The following TMEM107 variants were observed in gnomAD, a reference collection of about 807,000 sequenced individuals.
TMEM107 encodes transmembrane protein 107.
Under a neutral mutation model 16.8 loss-of-function variants are expected in TMEM107, and 18 were observed. The observed-to-expected ratio is 1.07, with a 90% CI of 0.74 to 1.59. The LOEUF (loss-of-function observed/expected upper bound fraction) is 1.59, where lower values mean the gene tolerates loss of function less well. TMEM107 is among the 40% of genes most tolerant of loss of function. The pLI, the probability that TMEM107 is intolerant of heterozygous loss-of-function variation, is 0.00. For missense variants in TMEM107, 152 were observed against 175.4 expected, an observed-to-expected ratio of 0.87 and a Z score of 0.75; for synonymous variants, 68 against 71.6, an observed-to-expected ratio of 0.95 and a Z score of 0.25.
Position 8,174,141 on chromosome 17 carries a change from A to G in TMEM107, c.*62T>C. 1 of 1,471,804 alleles carries G rather than the reference A, an allele frequency of 6.8e-7. No homozygotes were observed. Among genetic ancestry groups the G allele is most frequent in the Non-Finnish European group, 9.5e-7 (1 of 1,051,288 alleles). The allele number at this position is 1,471,804 out of a possible 1,614,324, so 91.2% of individuals were successfully genotyped here. A position where few individuals can be genotyped will look rare whatever the true frequency, so the allele number is the denominator to read the frequency against. On this transcript the variant is annotated 3_prime_UTR_variant, in exon 5 of 5. Transcript: ENST00000437139. ...CCGAAGCCTATGCCTTCCTTCTTCC[A>G]GGAATACGAAGCGGCCCTTGCCCCT...
chr17:8,173,358 G>C lies in TMEM107; in HGVS notation c.*845C>G, dbSNP rs78425352. ...ACAGCAATAGCAAGACTGCAAAATA[G>C]ACAAACAGCAAGGTTATCCCAGTCA... On this transcript the variant is annotated 3_prime_UTR_variant, in exon 5 of 5. Coordinates refer to ENST00000437139, the MANE Select transcript of TMEM107 (RefSeq NM_183065.4). The C allele has an allele frequency of 1.5e-4, 94 of 614,282 alleles. 1 individual carries two copies. The highest frequency in any genetic ancestry group is 7.6e-4 in the East Asian group (28 of 36,656). 38.1% of individuals were successfully genotyped at this position (614,282 alleles called of 1,614,324 possible).
At position 8,173,554 on chromosome 17, in the gene TMEM107, A is replaced by G. The variant is rs142684790; in HGVS notation, c.*649T>C. 18 of 765,242 alleles carry G rather than the reference A, an allele frequency of 2.4e-5. No homozygotes were observed. The highest frequency in any genetic ancestry group is 1.3e-4 in the South Asian group (10 of 74,616). The allele number at this position is 765,242 out of a possible 1,614,324, so 47.4% of individuals were successfully genotyped here. ...CATCATGTTCTAATCTGCCCTCCGG[A>G]GGAGGAACAGGTAAGGATTATCCCA... On this transcript the variant is annotated 3_prime_UTR_variant, in exon 5 of 5. Coordinates refer to ENST00000437139, the MANE Select transcript of TMEM107 (RefSeq NM_183065.4).
rs536485600 is a variant in TMEM107, at chr17:8,175,232, A to G, written c.256+525T>C. On this transcript the variant is annotated intron_variant, in intron 3 of 4. Coordinates refer to ENST00000437139, the MANE Select transcript of TMEM107 (RefSeq NM_183065.4). ...AGGAGTGCGCCGCCACGCCCGACTA[A>G]TTTTTGTATTTTTAGTAGAGACGGG... is the stretch of plus-strand genomic sequence containing the variant. The G allele has an allele frequency of 1.5e-5, 3 of 205,022 alleles. No homozygotes were observed. The South Asian group carries it at 2.1e-4, about 14-fold the overall frequency. 12.7% of individuals were successfully genotyped at this position (205,022 alleles called of 1,614,324 possible). A position where few individuals can be genotyped will look rare whatever the true frequency, so the allele number is the denominator to read the frequency against.
Position 8,173,672 on chromosome 17 carries a change from A to G in TMEM107, c.*531T>C, listed in dbSNP as rs1182302324. On this transcript the variant is annotated 3_prime_UTR_variant, in exon 5 of 5. Transcript: ENST00000437139. Reference sequence around the variant, plus strand: ...GAGTTCATAACGCGCTGGTATGAGCAATCCTATTATTTAGCGTCCTTCCAG... The same window carrying G: ...GAGTTCATAACGCGCTGGTATGAGCGATCCTATTATTTAGCGTCCTTCCAG... 2 of 664,116 alleles carry G rather than the reference A, an allele frequency of 3.0e-6. No individual in the cohort carries two copies. The highest frequency in any genetic ancestry group is 5.2e-5 in the East Asian group (2 of 38,708). 41.1% of individuals were successfully genotyped at this position (664,116 alleles called of 1,614,324 possible).
chr17:8,173,659 C>G lies in TMEM107; in HGVS notation c.*544G>C, dbSNP rs1473266727. The G allele has an allele frequency of 1.4e-6, 1 of 715,706 alleles. No individual in the cohort carries two copies. Among genetic ancestry groups the G allele is most frequent in the Non-Finnish European group, 2.6e-6 (1 of 387,648 alleles). The allele number at this position is 715,706 out of a possible 1,614,324, so 44.3% of individuals were successfully genotyped here. A position where few individuals can be genotyped will look rare whatever the true frequency, so the allele number is the denominator to read the frequency against. ...TACAAGCTAGGGTGAGTTCATAACG[C>G]GCTGGTATGAGCAATCCTATTATTT... On this transcript the variant is annotated 3_prime_UTR_variant, in exon 5 of 5. Coordinates refer to ENST00000437139, the MANE Select transcript of TMEM107 (RefSeq NM_183065.4).
chr17:8,173,565 G>GT lies in TMEM107; in HGVS notation c.*637dup, dbSNP rs1555525651. On this transcript the variant is annotated 3_prime_UTR_variant, in exon 5 of 5. Coordinates refer to ENST00000437139, the MANE Select transcript of TMEM107 (RefSeq NM_183065.4). ...AATCTGCCCTCCGGAGGAGGAACAG[G>GT]TAAGGATTATCCCACCTGACGATAC... is the stretch of plus-strand genomic sequence containing the variant. The GT allele has an allele frequency of 5.2e-6, 4 of 765,266 alleles. No individual in the cohort carries two copies. Among genetic ancestry groups the GT allele is most frequent in the Non-Finnish European group, 9.6e-6 (4 of 417,954 alleles). The allele number at this position is 765,266 out of a possible 1,614,324, so 47.4% of individuals were successfully genotyped here.
intron 1 of TMEM107, 65 bp from the exon 2 acceptor site, chr17:8,176,091 C>T (rs1984112989): frequency 6.2e-7 from 1 of 1,610,300 alleles, no homozygotes; most frequent in East Asian, 2.2e-5. Context: ...CTGGGGGCGG[C>T]GGGAAACAAG....
chr17:8,174,465 T>G, intron 4 of TMEM107, 55 bp downstream of exon 4: 5 of 1,559,260 alleles, frequency 3.2e-6, no homozygotes, highest in Non-Finnish European at 4.4e-6. Context: ...GGAAAAACCT[T>G]CAGGTTTAGG....
Position 8,175,653 on chromosome 17 carries a change from G to A in TMEM107, c.256+104C>T, listed in dbSNP as rs774441736. The A allele has an allele frequency of 4.1e-6, 4 of 979,074 alleles. No individual in the cohort carries two copies. In the Admixed American group the frequency reaches 6.8e-5, roughly 17 times the overall value. 60.6% of individuals were successfully genotyped at this position (979,074 alleles called of 1,614,324 possible). A position where few individuals can be genotyped will look rare whatever the true frequency, so the allele number is the denominator to read the frequency against. The stretch of plus-strand genomic sequence containing the variant: ...ATTTAGCACATCGTTGAAGATCTTT[G>A]AACTGGAAGGATTGGCTACAGCAGA... On this transcript the variant is annotated intron_variant, in intron 3 of 4. Coordinates refer to ENST00000437139, the MANE Select transcript of TMEM107 (RefSeq NM_183065.4).
Position 8,173,593 on chromosome 17 carries a change from A to G in TMEM107, c.*610T>C, listed in dbSNP as rs11655582. The G allele has an allele frequency of 0.82, 626,192 of 761,960 alleles. 263,205 individuals carry two copies. Among genetic ancestry groups the G allele is most frequent in the Non-Finnish European group, 0.89 (369,713 of 415,992 alleles). The allele number at this position is 761,960 out of a possible 1,614,324, so 47.2% of individuals were successfully genotyped here. A position where few individuals can be genotyped will look rare whatever the true frequency, so the allele number is the denominator to read the frequency against. On this transcript the variant is annotated 3_prime_UTR_variant, in exon 5 of 5. Transcript: ENST00000437139. The stretch of plus-strand genomic sequence containing the variant: ...AGGATTATCCCACCTGACGATACAG[A>G]CAAACAGCCGACATTCTGCACTCAG...
chr17:8,175,610 T>G (rs1984062026), intron 3 of TMEM107, 147 bp downstream of exon 3: 1 of 810,894 alleles, frequency 1.2e-6, no homozygotes, highest in East Asian at 2.5e-5. Context: ...GGATTTTAAG[T>G]GCCTAGTAAA....
Position 8,173,723 on chromosome 17 carries a change from T to A in TMEM107, c.*480A>T. ...TTGTTTTGCCATATTAGCTCGCACA[T>A]TTTTTTAAATTTTTTTTTCATTCGG... On this transcript the variant is annotated 3_prime_UTR_variant, in exon 5 of 5. Coordinates refer to ENST00000437139, the MANE Select transcript of TMEM107 (RefSeq NM_183065.4). 5.4e-6 allele frequency: 3 copies of A among 553,002 alleles called. No individual in the cohort carries two copies. The South Asian group carries it at 7.2e-5, about 13-fold the overall frequency. The allele number at this position is 553,002 out of a possible 1,614,324, so 34.3% of individuals were successfully genotyped here.
rs1227184684 is a variant in TMEM107, at chr17:8,176,116, T to A, written c.87+84A>T. The A allele has an allele frequency of 7.5e-6, 12 of 1,601,830 alleles. No individual in the cohort carries two copies. In the South Asian group the frequency reaches 1.3e-4, roughly 18 times the overall value. On this transcript the variant is annotated intron_variant, in intron 1 of 4. Coordinates refer to ENST00000437139, the MANE Select transcript of TMEM107 (RefSeq NM_183065.4). ...CGGGAAACAAGAAAACCCAAGAGGGTAAGACACTGGGAGGGGGCAGGGTAG... is the reference window on the plus strand; with the variant it reads ...CGGGAAACAAGAAAACCCAAGAGGGAAAGACACTGGGAGGGGGCAGGGTAG...
Position 8,174,847 on chromosome 17 carries a change from G to T in TMEM107, c.257-231C>A. ...TCAGGCTACCCTACCCCTTATCTGT[G>T]GGCCAGCCTGGATCCTTCAGATGAG... On this transcript the variant is annotated intron_variant, in intron 3 of 4. Coordinates refer to ENST00000437139, the MANE Select transcript of TMEM107 (RefSeq NM_183065.4). 1.5e-5 allele frequency: 8 copies of T among 537,606 alleles called. No individual in the cohort carries two copies. The South Asian group carries it at 1.7e-4, about 12-fold the overall frequency. The allele number at this position is 537,606 out of a possible 1,614,324, so 33.3% of individuals were successfully genotyped here.
intron 4 of TMEM107, 85 bp downstream of exon 4, chr17:8,174,435 G>A (rs990447277): frequency 1.4e-6 from 2 of 1,414,970 alleles, no homozygotes. Flanking sequence ...TCTCACACAT[G>A]GAGGAAAGGG....
At chr17:8,175,627 G>T (rs1984062826) in intron 3 of TMEM107, 130 bp downstream of exon 3, 1 of 888,564 alleles carries the variant, frequency 1.1e-6, no homozygotes, top group Admixed American at 1.8e-5. Context: ...TAAACAGCAG[G>T]ATTTAGCACA....
chr17:8,173,427 C>T lies in TMEM107; in HGVS notation c.*776G>A, dbSNP rs375567827. ...TGTGGATATCTGCTAATCAGCATAA[C>T]ACAAATGTAAGTGATCGTCAGAAAG... is the stretch of plus-strand genomic sequence containing the variant. On this transcript the variant is annotated 3_prime_UTR_variant, in exon 5 of 5. Coordinates refer to ENST00000437139, the MANE Select transcript of TMEM107 (RefSeq NM_183065.4). The T allele has an allele frequency of 1.0e-4, 76 of 754,516 alleles. No homozygotes were observed. The highest frequency in any genetic ancestry group is 4.9e-4 in the African/African-American group (29 of 58,978). 46.7% of individuals were successfully genotyped at this position (754,516 alleles called of 1,614,324 possible).
Position 8,172,587 on chromosome 17 carries a change from T to C in TMEM107, c.*1616A>G, listed in dbSNP as rs1983620126. 1.3e-5 allele frequency among the ~76,000 whole-genome samples: 2 copies of C among 151,906 alleles called. No homozygotes were observed. Among genetic ancestry groups the C allele is most frequent in the African/African-American group, 4.8e-5 (2 of 41,362 alleles). ...GGAGAAACGCGGTGGCTCATGCCTGTATCCTAGCACTTTAGGAGGCCTAGA... is the reference window on the plus strand; with the variant it reads ...GGAGAAACGCGGTGGCTCATGCCTGCATCCTAGCACTTTAGGAGGCCTAGA... On this transcript the variant is annotated 3_prime_UTR_variant, in exon 5 of 5. Coordinates refer to ENST00000437139, the MANE Select transcript of TMEM107 (RefSeq NM_183065.4).
intron 4 of TMEM107, 110 bp from the exon 5 acceptor site, chr17:8,174,382 G>T: frequency 1.5e-6 from 2 of 1,316,142 alleles, no homozygotes; most frequent in South Asian, 1.2e-5. Flanking sequence ...GGGGGTAGGG[G>T]ATGAAACTTT....
Sources: allele counts gnomAD v4.1 joint callset (sites outside exome capture counted in the v4.1 genomes callset), GRCh38; gene constraint gnomAD v4.1.1; transcripts MANE v1.5; gene names NCBI Gene and HGNC (gene_info 2026-07-23, HGNC 2026-07-21).